The following LRP8 variants were observed in gnomAD, a reference collection of about 807,000 sequenced individuals.
LRP8 encodes low-density lipoprotein receptor-related protein 8.
Under a neutral mutation model 111.6 loss-of-function variants are expected in LRP8, and 46 were observed. That is an observed-to-expected ratio of 0.41 (90% confidence interval 0.33 to 0.53). LRP8 has a LOEUF of 0.53. Among genes scored for constraint, LRP8 ranks in the 20% least tolerant of loss-of-function variants. The pLI, the probability that LRP8 is intolerant of heterozygous loss-of-function variation, is 0.20. For synonymous variants in LRP8, 464 were observed against 511.2 expected, an observed-to-expected ratio of 0.91 and a Z score of 1.24; for missense variants, 959 against 1,297.4, an observed-to-expected ratio of 0.74 and a Z score of 4.01.
intron 9 of LRP8, among the ~76,000 whole-genome samples, chr1:53,264,933 C>T (rs980059045): frequency 3.3e-5 from 5 of 152,090 alleles, no homozygotes; most frequent in Non-Finnish European, 5.9e-5. Flanking sequence ...CTTTGAGTAC[C>T]ACGCCAAGGA....
rs1248386747 is a variant in LRP8 at position 53,327,806 on chromosome 1, G to C, written c.107C>G (p.Pro36Arg). Residue 36 changes from proline (P) to arginine (R), a missense_variant, in exon 1 of 19, where the codon CCG becomes CGG. Physicochemically the swap from Pro to Arg is moderately radical, Grantham distance 103. Transcript: ENST00000306052. ...LQHLAAAAAD[P>R]LLGGQGPAKD... Reference sequence around the variant, plus strand: ...GCACGCACCTTGGCCGCCGAGCAGCGGATCAGCCGCTGCCGCCGCAAGATG... The same window carrying C: ...GCACGCACCTTGGCCGCCGAGCAGCCGATCAGCCGCTGCCGCCGCAAGATG... The C allele has an allele frequency of 4.6e-6, 7 of 1,511,948 alleles. No homozygotes were observed. The highest frequency in any genetic ancestry group is 6.2e-6 in the Non-Finnish European group (7 of 1,136,238). The allele number at this position is 1,511,948 out of a possible 1,614,324, so 93.7% of individuals were successfully genotyped here. A position where few individuals can be genotyped will look rare whatever the true frequency, so the allele number is the denominator to read the frequency against.
intron 16 of LRP8, among the ~76,000 whole-genome samples, chr1:53,251,780 A>C (rs1251035761): frequency 1.3e-5 from 2 of 152,250 alleles, no homozygotes; most frequent in South Asian, 2.1e-4. Flanking sequence ...GCGGTGGCTC[A>C]CGCCTGTAAT....
chr1:53,280,361 C>T (rs1351381668), intron 4 of LRP8, among the ~76,000 whole-genome samples: 1 of 152,214 alleles, frequency 6.6e-6, no homozygotes, highest in Non-Finnish European at 1.5e-5. Flanking sequence ...TCAGTTTCCT[C>T]ACCTATAAAA....
At chr1:53,287,870 G>A (rs1039723309) in intron 3 of LRP8, among the ~76,000 whole-genome samples, 1 of 145,676 alleles carries the variant, frequency 6.9e-6, no homozygotes, top group South Asian at 2.5e-4. Context: ...GGAGGGTGAG[G>A]ATAGGAGATG....
chr1:53,277,641 C>G lies in LRP8; in HGVS notation c.497-563G>C, dbSNP rs547143984. On this transcript the variant is annotated intron_variant, in intron 4 of 18. Transcript: ENST00000306052. ...AGGCTCCCACCTCCAAGCCTTTACT[C>G]AAGTTGCTCCATCTGCTGGGAACCT... 7.9e-5 allele frequency among the ~76,000 whole-genome samples: 12 copies of G among 152,302 alleles called. No homozygotes were observed. The East Asian group carries it at 2.3e-3, about 29-fold the overall frequency.
chr1:53,292,765 C>A (rs538248720), intron 2 of LRP8, among the ~76,000 whole-genome samples: 2 of 152,302 alleles, frequency 1.3e-5, no homozygotes, highest in South Asian at 2.1e-4. Flanking sequence ...AATCCAGACC[C>A]AGAGATGTTA....
At chr1:53,299,234 T>C (rs1282349496) in intron 2 of LRP8, among the ~76,000 whole-genome samples, 1 of 152,144 alleles carries the variant, frequency 6.6e-6, no homozygotes, top group Non-Finnish European at 1.5e-5. Context: ...CCCTGGCTGC[T>C]ACCCACAGGC....
At chr1:53,255,325 G>A (rs1422783078) in intron 15 of LRP8, 140 bp from the exon 16 acceptor site, 5 of 727,070 alleles carry the variant, frequency 6.9e-6, no homozygotes, top group South Asian at 6.6e-5. Flanking sequence ...TAATAATTCA[G>A]TCTTTCCAGA....
intron 2 of LRP8, among the ~76,000 whole-genome samples, chr1:53,298,961 G>C (rs1411084002): frequency 1.3e-5 from 2 of 152,248 alleles, no homozygotes; most frequent in African/African-American, 4.8e-5. Flanking sequence ...GTGTGACAAG[G>C]GGCAGGCCTC....
In LRP8 at chr1:53,275,503, G is replaced by A; in HGVS notation, c.1006+128C>T. On this transcript the variant is annotated intron_variant, in intron 6 of 18. Transcript: ENST00000306052. The surrounding 1 kb of genome is among the most constrained non-coding windows in gnomAD (Gnocchi z 4.4). Reference sequence around the variant, plus strand: ...AGGGAGCCAGGTGATTTAGGGGCAAGTGATGCTCTGGGGGAAAATGCATCT... The same window carrying A: ...AGGGAGCCAGGTGATTTAGGGGCAAATGATGCTCTGGGGGAAAATGCATCT... 7.8e-7 allele frequency: 1 copy of A among 1,275,562 alleles called. No individual in the cohort carries two copies. Among genetic ancestry groups the A allele is most frequent in the Non-Finnish European group, 1.1e-6 (1 of 917,116 alleles). 79.0% of individuals were successfully genotyped at this position (1,275,562 alleles called of 1,614,324 possible).
At chr1:53,277,992 G>A (rs374796271) in intron 4 of LRP8, among the ~76,000 whole-genome samples, 17 of 152,286 alleles carry the variant, frequency 1.1e-4, no homozygotes, top group South Asian at 6.2e-4. Flanking sequence ...AAGGACACAC[G>A]TCATGGCTCT....
intron 2 of LRP8, among the ~76,000 whole-genome samples, chr1:53,324,717 C>T (rs980837361): frequency 6.6e-6 from 1 of 152,218 alleles, no homozygotes; most frequent in Non-Finnish European, 1.5e-5. Context: ...TCACTCAGCA[C>T]CCAGCTACTT....
intron 8 of LRP8, 71 bp downstream of exon 8, chr1:53,270,957 C>A: frequency 6.2e-7 from 1 of 1,610,414 alleles, no homozygotes; most frequent in Non-Finnish European, 8.5e-7. Context: ...ACGCCCACTC[C>A]TCACAAGTGG....
At chr1:53,264,121 A>C in intron 10 of LRP8, 48 bp downstream of exon 10, 1 of 1,563,238 alleles carries the variant, frequency 6.4e-7, no homozygotes, top group Non-Finnish European at 8.8e-7. Flanking sequence ...ACACAAGAGG[A>C]CTGAGCACCT....
Position 53,326,817 on chromosome 1 carries a change from G to A in LRP8, c.244+56C>T, listed in dbSNP as rs942731085. ...CAGCCACGTGCGCGCCAAGCATGGTGCCCCCCACCGTTCCTTTTCTCTCCC... is the reference window on the plus strand; with the variant it reads ...CAGCCACGTGCGCGCCAAGCATGGTACCCCCCACCGTTCCTTTTCTCTCCC... On this transcript the variant is annotated intron_variant, in intron 2 of 18. Transcript: ENST00000306052. 2.5e-6 allele frequency: 4 copies of A among 1,571,868 alleles called. No homozygotes were observed. The South Asian group carries it at 3.4e-5, about 14-fold the overall frequency.
chr1:53,299,762 G>A (rs11206140), intron 2 of LRP8, among the ~76,000 whole-genome samples: 34,449 of 152,198 alleles, frequency 0.23, 4,427 homozygotes, highest in East Asian at 0.59. Context: ...GCAATGGGCC[G>A]TCTGCCACTC....
At chr1:53,307,560 GCA>G (rs1022635434) in intron 2 of LRP8, 3 of 152,252 alleles carry the variant, frequency 2.0e-5, no homozygotes, top group Non-Finnish European at 2.9e-5. Context: ...CCACCCACTT[GCA>G]CACTCAGGTG....
chr1:53,297,313 C>T (rs929362978), intron 2 of LRP8, among the ~76,000 whole-genome samples: 4 of 152,196 alleles, frequency 2.6e-5, no homozygotes, highest in African/African-American at 9.7e-5. Flanking sequence ...TGATGCCTTC[C>T]CTGAAAGGAA....
Position 53,249,680 on chromosome 1 carries a change from G to A in LRP8, c.2677-124C>T. On this transcript the variant is annotated intron_variant, in intron 17 of 18. Transcript: ENST00000306052. This position sits in a 1 kb window ranked among gnomAD's most constrained non-coding sequence, Gnocchi z 4.1. The stretch of plus-strand genomic sequence containing the variant: ...TCATTCCCCCAAAAAGCCATGCTGT[G>A]TTGTACCTTCAAGCCTTTGCACATG... 1 of 1,378,938 alleles carries A rather than the reference G, an allele frequency of 7.3e-7. No individual in the cohort carries two copies. The highest frequency in any genetic ancestry group is 9.5e-7 in the Non-Finnish European group (1 of 1,049,802). The allele number at this position is 1,378,938 out of a possible 1,614,324, so 85.4% of individuals were successfully genotyped here.
Sources: allele counts gnomAD v4.1 joint callset (sites outside exome capture counted in the v4.1 genomes callset), GRCh38; gene constraint gnomAD v4.1.1; non-coding constraint Gnocchi (gnomAD v3.1); transcripts MANE v1.5; gene names NCBI Gene and HGNC (gene_info 2026-07-23, HGNC 2026-07-21).